RNF212: variants seen among roughly 807,000 people sequenced by gnomAD.
The protein encoded by RNF212 is probable E3 SUMO-protein ligase RNF212.
A neutral mutation model predicts 34.7 loss-of-function variants in RNF212; 33 were observed. The observed-to-expected ratio is 0.95, with a 90% CI of 0.72 to 1.27. The LOEUF (loss-of-function observed/expected upper bound fraction) is 1.27. RNF212 is among the 50% of genes most tolerant of loss of function. The probability of loss-of-function intolerance (pLI) is 0.00; values close to 1 mark genes in which losing one functional copy is unlikely to be tolerated. For synonymous variants in RNF212, 140 were observed against 136.1 expected (o/e 1.03, Z -0.20); for missense variants, 377 against 362.2 (o/e 1.04, Z -0.33).
intron 5 of RNF212, among the ~76,000 whole-genome samples, chr4:1,082,657 C>T (rs766207372): frequency 6.6e-5 from 10 of 152,344 alleles, no homozygotes; most frequent in African/African-American, 9.6e-5. Context: ...GCCTGTGTCC[C>T]GGCCCGACAT....
Position 1,080,752 on chromosome 4 carries a change from C to T in RNF212, c.464+667G>A, listed in dbSNP as rs1045569521. On this transcript the variant is annotated intron_variant, in intron 7 of 9. Transcript: ENST00000433731. ...GACAGAGCACTGTCCTCCCCACAGG[C>T]GCCCTCCCTGTCCAGGACCTGTAAG... Among the ~76,000 whole-genome samples, 5 of 152,326 alleles carry T rather than the reference C, an allele frequency of 3.3e-5. No homozygotes were observed. In the East Asian group the frequency reaches 7.7e-4, roughly 24 times the overall value.
rs1056921067 is a variant in RNF212 at position 1,056,458 on chromosome 4, C to T, written n.266G>A. Reference sequence around the variant, plus strand: ...GGTCCCGCAGGAGGCATGGAAGTCGCGGTAAAAACACAACTTTGTCTTTGA... The same window carrying T: ...GGTCCCGCAGGAGGCATGGAAGTCGTGGTAAAAACACAACTTTGTCTTTGA... On this transcript the variant is annotated non_coding_transcript_exon_variant, in exon 5 of 5. Coordinates refer to the RNF212 transcript ENST00000503206. 111 of 968,256 alleles carry T rather than the reference C, an allele frequency of 1.1e-4. 1 individual carries two copies. The highest frequency in any genetic ancestry group is 1.3e-4 in the Non-Finnish European group (107 of 812,412). The allele number at this position is 968,256 out of a possible 1,614,324, so 60.0% of individuals were successfully genotyped here.
At chr4:1,104,300 A>ATT (rs1724476976) in intron 2 of RNF212, among the ~76,000 whole-genome samples, 1 of 152,206 alleles carries the variant, frequency 6.6e-6, no homozygotes, top group Non-Finnish European at 1.5e-5. Context: ...GACAACCCCC[A>ATT]AATCTCAATG....
chr4:1,110,145 G>A (rs945564297), intron 1 of RNF212, among the ~76,000 whole-genome samples: 1 of 152,180 alleles, frequency 6.6e-6, no homozygotes, highest in South Asian at 2.1e-4. Context: ...ATGACAGAGA[G>A]GAAATCACGT....
chr4:1,065,382 G>A (rs887452028), intron 3 of RNF212, among the ~76,000 whole-genome samples: 12 of 152,206 alleles, frequency 7.9e-5, no homozygotes, highest in Non-Finnish European at 4.4e-5. Flanking sequence ...TTTGTTTCAG[G>A]TTTAACCATC....
At chr4:1,066,156 C>T (rs6852558) in intron 3 of RNF212, among the ~76,000 whole-genome samples, 120,367 of 151,154 alleles carry the variant, frequency 0.8, 48,403 homozygotes, top group African/African-American at 0.89. Flanking sequence ...CTCCTTGGCT[C>T]GAGCAATCCT....
intron 2 of RNF212, among the ~76,000 whole-genome samples, chr4:1,103,070 A>G (rs550291719): frequency 6.6e-6 from 1 of 152,358 alleles, no homozygotes; most frequent in African/African-American, 2.4e-5. Flanking sequence ...AACAAGAGGC[A>G]TCATTATGGA....
Position 1,060,109 on chromosome 4 carries a change from AAAAAG to A in RNF212, n.148-1721_148-1717del, listed in dbSNP as rs1312440336. ...AGCGAAACTCCATCAAAAAAAAAAA[AAAAAG>A]AAAAAAGAAATTGTTTCCTATTTAC... On this transcript the variant is annotated intron_variant and non_coding_transcript_variant, in intron 3 of 4. Coordinates refer to the RNF212 transcript ENST00000503206. 4.6e-3 allele frequency among the ~76,000 whole-genome samples: 615 copies of A among 134,040 alleles called. 15 individuals are homozygous for A. The highest frequency in any genetic ancestry group is 0.016 in the African/African-American group (524 of 33,720). The allele number at this position is 134,040 out of a possible 152,430, so 87.9% of individuals were successfully genotyped here.
At chr4:1,081,944 C>T (rs1720422170) in intron 5 of RNF212, 1 of 323,670 alleles carries the variant, frequency 3.1e-6, no homozygotes, top group Non-Finnish European at 5.9e-6. Context: ...GCCACTAACG[C>T]ACCAGCTTTG....
intron 3 of RNF212, among the ~76,000 whole-genome samples, chr4:1,092,423 G>A (rs1282389858): frequency 2.0e-5 from 3 of 152,130 alleles, no homozygotes; most frequent in Non-Finnish European, 2.9e-5. Flanking sequence ...CACTTGTCTG[G>A]GTGTTGCAGG....
At chr4:1,111,287 A>G (rs895421551) in intron 1 of RNF212, among the ~76,000 whole-genome samples, 4 of 152,140 alleles carry the variant, frequency 2.6e-5, no homozygotes, top group African/African-American at 7.2e-5. Context: ...CCACACTCCA[A>G]TATCTAGGAT....
chr4:1,093,857 C>T (rs1414521467), intron 3 of RNF212: 20 of 1,536,072 alleles, frequency 1.3e-5, no homozygotes, highest in South Asian at 4.8e-5. Context: ...CTGGGACCGC[C>T]GGCATCCTGG....
chr4:1,105,455 T>C (rs1724663839), intron 2 of RNF212, among the ~76,000 whole-genome samples: 1 of 152,234 alleles, frequency 6.6e-6, no homozygotes, highest in Admixed American at 6.5e-5. Flanking sequence ...CAAATCAATA[T>C]ATAAAGATAT....
intron 7 of RNF212, 37 bp downstream of exon 7, chr4:1,081,382 C>A (rs1237181510): frequency 6.3e-7 from 1 of 1,591,834 alleles, no homozygotes; most frequent in Non-Finnish European, 8.6e-7. Context: ...TCGGAAAGAC[C>A]TGCAGGTCCT....
In RNF212 at chr4:1,060,772, C is replaced by T. The variant is rs1414022670; in HGVS notation, n.148-2379G>A. ...AGGGGACCGCGTACTGAAGAGTGAG[C>T]GCCCTGCGCCCCTGCTGACAGGTCA... On this transcript the variant is annotated intron_variant and non_coding_transcript_variant, in intron 3 of 4. Transcript: ENST00000503206. Among the ~76,000 whole-genome samples, 6 of 152,370 alleles carry T rather than the reference C, an allele frequency of 3.9e-5. No individual in the cohort carries two copies. In the South Asian group the frequency reaches 6.2e-4, roughly 16 times the overall value.
chr4:1,080,653 G>C (rs984297110), intron 7 of RNF212, among the ~76,000 whole-genome samples: 2 of 151,950 alleles, frequency 1.3e-5, no homozygotes, highest in Non-Finnish European at 2.9e-5. Context: ...ATGACGCCCT[G>C]AGCCCCAATA....
chr4:1,085,661 C>A (rs2153046201), intron 5 of RNF212: 2 of 567,272 alleles, frequency 3.5e-6, no homozygotes, highest in Admixed American at 6.3e-5. Flanking sequence ...ATCACTGGGG[C>A]ACCTGCCCCA....
chr4:1,101,450 TGCTTAA>T (rs1723972901), intron 2 of RNF212: 1 of 156,766 alleles, frequency 6.4e-6, no homozygotes, highest in Admixed American at 6.5e-5. Context: ...TATTCCCTTC[TGCTTAA>T]GATGGGATTT....
At chr4:1,080,425 T>G (rs1450940794) in intron 7 of RNF212, among the ~76,000 whole-genome samples, 1 of 152,166 alleles carries the variant, frequency 6.6e-6, no homozygotes, top group African/African-American at 2.4e-5. Flanking sequence ...CCGCTCCCAG[T>G]GTCTCAGAGT....
Sources: gnomAD v4.1 joint callset for allele counts (sites outside exome capture counted in the v4.1 genomes callset) on GRCh38, gnomAD v4.1.1 for gene constraint, MANE v1.5 for transcripts, NCBI Gene and HGNC (gene_info 2026-07-23, HGNC 2026-07-21) for gene names.